FMR1: variants seen among roughly 807,000 people sequenced by gnomAD.
FMR1 encodes FMRP translational regulator 1.
A neutral mutation model predicts 50.6 loss-of-function variants in FMR1; 13 were observed. The ratio of observed to expected loss-of-function variants is 0.26; its 90% CI spans 0.17 to 0.41. The LOEUF (loss-of-function observed/expected upper bound fraction) is 0.41. Among genes scored for constraint, FMR1 ranks in the 10% least tolerant of loss-of-function variants. The pLI, the probability that FMR1 is intolerant of heterozygous loss-of-function variation, is 1.00. For missense variants in FMR1, 316 were observed against 491.3 expected (o/e 0.64, Z 3.37); for synonymous variants, 138 against 164.1 (o/e 0.84, Z 1.22).
chrX:147,933,852 A>G (rs1557179244), intron 9 of FMR1, among the ~76,000 whole-genome samples: 2 of 112,581 alleles, frequency 1.8e-5, no homozygotes, highest in Non-Finnish European at 3.8e-5. Flanking sequence ...ACTCATAAAC[A>G]TCTTCCTTGT....
rs201498256 is a variant in FMR1, at chrX:147,928,326, A to T, written c.203A>T (p.Tyr68Phe). Residue 68 changes from tyrosine to phenylalanine, a missense_variant, in exon 4 of 17, where the codon TAT (tyrosine) becomes TTT (phenylalanine). Coordinates refer to ENST00000370475, the MANE Select transcript of FMR1 (RefSeq NM_002024.6). ...TGTGTTGTAATTTTTGTGTAGGTGT[A>T]TTCCAGAGCAAATGAAAAAGAGCCT... ...DINESDEVEV[Y>F]SRANEKEPCC... 1.7e-6 allele frequency: 2 copies of T among 1,200,397 alleles called. No individual in the cohort carries two copies. Among genetic ancestry groups the T allele is most frequent in the Non-Finnish European group, 2.3e-6 (2 of 885,295 alleles).
intron 5 of FMR1, among the ~76,000 whole-genome samples, 166 bp downstream of exon 5, chrX:147,928,973 T>C (rs1414831839): frequency 1.8e-5 from 2 of 112,274 alleles, no homozygotes; most frequent in Non-Finnish European, 3.8e-5. Context: ...AAAAAACTTA[T>C]TTAACTTTTC....
chrX:147,944,207 C>T (rs1482162318), intron 14 of FMR1: 19 of 748,465 alleles, frequency 2.5e-5, no homozygotes, highest in Admixed American at 1.8e-4. Flanking sequence ...TCTTTTTCTC[C>T]GCTCCTGTCC....
intron 16 of FMR1, among the ~76,000 whole-genome samples, chrX:147,946,181 A>G (rs1483932248): frequency 8.9e-6 from 1 of 112,211 alleles, no homozygotes; most frequent in Admixed American, 9.4e-5. Flanking sequence ...CAGCCACACT[A>G]TGATTTTAAT....
In FMR1 at chrX:147,944,181, T is replaced by G. The variant is rs1411607767; in HGVS notation, c.1472-688T>G. On this transcript the variant is annotated intron_variant, in intron 14 of 16. Transcript: ENST00000370475. The stretch of plus-strand genomic sequence containing the variant: ...TCTGTTCTTTTTACTCATGAATTTC[T>G]GCCTCACCGTGGAGCTCTTTTTCTC... The G allele has an allele frequency of 9.3e-6, 7 of 751,685 alleles. No homozygotes were observed. In the African/African-American group the frequency reaches 1.6e-4, roughly 17 times the overall value. The allele number at this position is 751,685 out of a possible 1,213,427, so 61.9% of individuals were successfully genotyped here.
rs782390448 is a variant in FMR1, at chrX:147,949,220, T to G, written c.*376T>G. ...ATATATAGCATTTATGGTAATCATA[T>G]TAGACTTCTGTTTTCAATCTCGTAT... On this transcript the variant is annotated 3_prime_UTR_variant, in exon 17 of 17. Transcript: ENST00000370475. 3 of 338,663 alleles carry G rather than the reference T, an allele frequency of 8.9e-6. No individual in the cohort carries two copies. Among genetic ancestry groups the G allele is most frequent in the Non-Finnish European group, 1.7e-5 (3 of 176,583 alleles). 27.9% of individuals were successfully genotyped at this position (338,663 alleles called of 1,213,427 possible). A position where few individuals can be genotyped will look rare whatever the true frequency, so the allele number is the denominator to read the frequency against.
chrX:147,928,720 G>A lies in FMR1; in HGVS notation c.332G>A (p.Arg111His). Reference sequence around the variant, plus strand: ...TACAATGAAATTGTCACAATTGAACGTCTAAGATCTGTTAATCCCAACAAA... The same window carrying A: ...TACAATGAAATTGTCACAATTGAACATCTAAGATCTGTTAATCCCAACAAA... The part of the protein sequence containing the change: ...ATYNEIVTIE[R>H]LRSVNPNKPA... Residue 111 changes from arginine (R) to histidine (H), a missense_variant, in exon 5 of 17, where the codon CGT becomes CAT. Coordinates refer to ENST00000370475, the MANE Select transcript of FMR1 (RefSeq NM_002024.6). The A allele has an allele frequency of 8.3e-7, 1 of 1,206,086 alleles. No individual in the cohort carries two copies. The highest frequency in any genetic ancestry group is 1.1e-6 in the Non-Finnish European group (1 of 890,596).
At chrX:147,919,529 T>C (rs1557176024) in intron 1 of FMR1, among the ~76,000 whole-genome samples, 1 of 112,330 alleles carries the variant, frequency 8.9e-6, no homozygotes, top group Admixed American at 9.4e-5. Flanking sequence ...TATAGCTGAG[T>C]AAAAATAAGC....
chrX:147,938,218 C>T, intron 12 of FMR1, 57 bp downstream of exon 12: 2 of 936,499 alleles, frequency 2.1e-6, no homozygotes, highest in Non-Finnish European at 3.1e-6. Context: ...TGTTTATTCC[C>T]CTTGTTAACA....
rs1485492099 is a variant in FMR1, at chrX:147,937,530, A to G, written c.1055A>G (p.Glu352Gly). ...NSRVGPNAPE[E>G]KKHLDIKENS... is the part of the protein sequence containing the mutation. ...AGGGTTGGACCTAATGCCCCAGAAG[A>G]AAAAAAACATTTAGATATAAAGGAA... Residue 352 changes from glutamate to glycine, a missense_variant, in exon 11 of 17, where the codon GAA (glutamate) becomes GGA (glycine). Around this residue, in one of 4 missense-constraint regions of FMR1, gnomAD observed 53 missense variants for 51.5 expected, o/e 1.03. Transcript: ENST00000370475. 1.3e-5 allele frequency: 16 copies of G among 1,193,664 alleles called. No homozygotes were observed. The highest frequency in any genetic ancestry group is 2.3e-4 in the Middle Eastern group (1 of 4,322).
intron 12 of FMR1, 137 bp downstream of exon 12, chrX:147,938,298 C>T: frequency 1.8e-6 from 1 of 544,856 alleles, no homozygotes; most frequent in Admixed American, 2.6e-5. Context: ...GATCCATTGC[C>T]CTGGAGTTAA....
chrX:147,918,300 C>T (rs1477068671), intron 1 of FMR1, among the ~76,000 whole-genome samples: 2 of 111,557 alleles, frequency 1.8e-5, no homozygotes, highest in African/African-American at 6.5e-5. Flanking sequence ...GTCCTTCACG[C>T]GAGTGTAGAC....
chrX:147,942,639 C>A (rs2044046872), intron 13 of FMR1, among the ~76,000 whole-genome samples: 1 of 112,124 alleles, frequency 8.9e-6, no homozygotes, highest in African/African-American at 3.2e-5. Context: ...AAAAGATGGC[C>A]CAAACTCAAT....
intron 12 of FMR1, among the ~76,000 whole-genome samples, chrX:147,939,624 C>T (rs1487101461): frequency 9.1e-6 from 1 of 110,194 alleles, no homozygotes; most frequent in Admixed American, 9.7e-5. Context: ...CGGCCAGGCG[C>T]GATGGCTCAT....
intron 9 of FMR1, among the ~76,000 whole-genome samples, chrX:147,935,838 CTG>C (rs1436096267): frequency 1.8e-5 from 2 of 112,144 alleles, no homozygotes; most frequent in East Asian, 2.8e-4. Context: ...ATCTTTTACT[CTG>C]TGACTAATCC....
chrX:147,924,985 A>G (rs2043338479), intron 2 of FMR1: 1 of 123,901 alleles, frequency 8.1e-6, no homozygotes, highest in South Asian at 2.6e-4. Context: ...ATAACGTCAT[A>G]CTGATCAGCA....
chrX:147,915,167 A>G (rs1349033617), intron 1 of FMR1, among the ~76,000 whole-genome samples: 1 of 111,725 alleles, frequency 9.0e-6, no homozygotes, highest in Non-Finnish European at 1.9e-5. Context: ...GTGTTTGAGG[A>G]CAGACTTTCA....
At chrX:147,938,694 G>A (rs2043874170) in intron 12 of FMR1, among the ~76,000 whole-genome samples, 1 of 111,711 alleles carries the variant, frequency 9.0e-6, no homozygotes, top group Admixed American at 9.5e-5. Context: ...GTTCTTTGAG[G>A]GCAGGGAGAG....
intron 10 of FMR1, among the ~76,000 whole-genome samples, 173 bp from the exon 11 acceptor site, chrX:147,937,293 A>G: frequency 8.9e-6 from 1 of 111,910 alleles, no homozygotes; most frequent in Non-Finnish European, 1.9e-5. Flanking sequence ...CTTTTAGCTA[A>G]AGTTAAATCT....
Sources: gnomAD v4.1 joint callset for allele counts (sites outside exome capture counted in the v4.1 genomes callset) on GRCh38, gnomAD v4.1.1 for gene constraint, gnomAD v4.1.1 regional missense constraint, MANE v1.5 for transcripts, NCBI Gene and HGNC (gene_info 2026-07-23, HGNC 2026-07-21) for gene names.